YPEL2: variants seen among roughly 807,000 people sequenced by gnomAD.
YPEL2 encodes the protein yippee like 2, also known as protein yippee-like 2.
In YPEL2, 2 loss-of-function variants were observed where a neutral mutation model predicts 19.1. That is an observed-to-expected ratio of 0.10 (90% CI 0.04 to 0.33). The LOEUF is 0.33. Ranked by LOEUF, YPEL2 falls within the 10% of genes least tolerant of loss-of-function variation. The pLI is 1.00. For missense variants in YPEL2, 66 were observed against 140.7 expected, an observed-to-expected ratio of 0.47 and a Z score of 2.68; for synonymous variants, 52 against 50.0, an observed-to-expected ratio of 1.04 and a Z score of -0.17.
intron 2 of YPEL2, among the ~76,000 whole-genome samples, chr17:59,358,011 T>C (rs16943463): frequency 0.079 from 12,003 of 152,182 alleles, 577 homozygotes; most frequent in South Asian, 0.14. Context: ...ATAGGTCAGA[T>C]TATCTTCTGG....
intron 2 of YPEL2, among the ~76,000 whole-genome samples, chr17:59,364,170 T>C (rs182847731): frequency 2.6e-5 from 4 of 152,324 alleles, no homozygotes; most frequent in African/African-American, 9.6e-5. Flanking sequence ...CTCAGAACTT[T>C]GTGGCTGGAG....
At chr17:59,362,043 A>T (rs1774657635) in intron 2 of YPEL2, among the ~76,000 whole-genome samples, 1 of 152,196 alleles carries the variant, frequency 6.6e-6, no homozygotes, top group Admixed American at 6.5e-5. Flanking sequence ...ATGTTGTCCC[A>T]TTGACAGTTG....
intron 1 of YPEL2, among the ~76,000 whole-genome samples, chr17:59,335,198 T>TGATA: frequency 6.6e-6 from 1 of 152,340 alleles, no homozygotes; most frequent in Middle Eastern, 3.4e-3. Flanking sequence ...TAACAAAAGG[T>TGATA]GATACACTTG....
At chr17:59,395,735 A>G (rs951279272) in intron 4 of YPEL2, among the ~76,000 whole-genome samples, 6 of 152,128 alleles carry the variant, frequency 3.9e-5, no homozygotes, top group South Asian at 4.1e-4. Flanking sequence ...GCCTCACGGT[A>G]TTTTGTTCCT....
intron 2 of YPEL2, among the ~76,000 whole-genome samples, chr17:59,386,550 G>A (rs1286181679): frequency 6.6e-6 from 1 of 152,140 alleles, no homozygotes; most frequent in African/African-American, 2.4e-5. Flanking sequence ...CTGTGGTTTG[G>A]CCTGACTGGA....
At chr17:59,395,369 G>C (rs1040255179) in intron 4 of YPEL2, among the ~76,000 whole-genome samples, 1 of 152,180 alleles carries the variant, frequency 6.6e-6, no homozygotes, top group Admixed American at 6.5e-5. Context: ...GCAAGGGTAC[G>C]CCTCAATTCC....
intron 1 of YPEL2, among the ~76,000 whole-genome samples, chr17:59,346,200 T>C (rs1271379069): frequency 6.6e-6 from 1 of 152,218 alleles, no homozygotes; most frequent in Non-Finnish European, 1.5e-5. Flanking sequence ...CACCATTTAG[T>C]GCCTCCAGCC....
In YPEL2 at chr17:59,399,197, C is replaced by T. The variant is rs1161451182; in HGVS notation, c.*2007C>T. 2 of 152,636 alleles carry T rather than the reference C, an allele frequency of 1.3e-5. No homozygotes were observed. The highest frequency in any genetic ancestry group is 2.9e-5 in the Non-Finnish European group (2 of 68,054). 9.5% of individuals were successfully genotyped at this position (152,636 alleles called of 1,614,324 possible). A position where few individuals can be genotyped will look rare whatever the true frequency, so the allele number is the denominator to read the frequency against. On this transcript the variant is annotated 3_prime_UTR_variant, in exon 5 of 5. Transcript: ENST00000312655. Reference sequence around the variant, plus strand: ...AAATCGTTTTTTAACTTTCACATTCCTAAGCTGGCTTCCCGGCACAGAAGC... The same window carrying T: ...AAATCGTTTTTTAACTTTCACATTCTTAAGCTGGCTTCCCGGCACAGAAGC...
intron 1 of YPEL2, among the ~76,000 whole-genome samples, chr17:59,348,781 T>C (rs116365307): frequency 0.035 from 5,280 of 152,234 alleles, 287 homozygotes; most frequent in African/African-American, 0.12. Flanking sequence ...TTATGTTCTA[T>C]GAGTTGGACT....
chr17:59,384,299 TATC>T (rs2047969514), intron 2 of YPEL2, among the ~76,000 whole-genome samples: 1 of 152,260 alleles, frequency 6.6e-6, no homozygotes, highest in Non-Finnish European at 1.5e-5. Flanking sequence ...TGTACAAGCA[TATC>T]ATTTTTTAGC....
chr17:59,397,039 A>C (rs891070032), intron 4 of YPEL2, 62 bp from the exon 5 acceptor site: 8 of 1,422,402 alleles, frequency 5.6e-6, no homozygotes, highest in Admixed American at 2.1e-5. Flanking sequence ...AAAAAAGAAA[A>C]AAAAAATCAT....
chr17:59,383,319 C>A (rs981081325), intron 2 of YPEL2, among the ~76,000 whole-genome samples: 1 of 151,500 alleles, frequency 6.6e-6, no homozygotes, highest in Non-Finnish European at 1.5e-5. Flanking sequence ...ATAGTCTAGG[C>A]CGGGCGTGGT....
Position 59,334,394 on chromosome 17 carries a change from G to GGC in YPEL2, c.-196+2571_-196+2572insCG, listed in dbSNP as rs199578642. Among the ~76,000 whole-genome samples the GGC allele has an allele frequency of 3.7e-3, 546 of 148,364 alleles. 6 individuals are homozygous for GGC. Among genetic ancestry groups the GGC allele is most frequent in the Middle Eastern group, 0.017 (5 of 292 alleles). On this transcript the variant is annotated intron_variant, in intron 1 of 4. Coordinates refer to ENST00000312655, the MANE Select transcript of YPEL2 (RefSeq NM_001005404.4). ...AGGCAGGTGACTCTTTTTATTTGGG[G>GGC]GGGGGTGAGGAGTCAGGAGTTTGTC...
At chr17:59,372,391 CCAAT>C (rs2147948885) in intron 2 of YPEL2, among the ~76,000 whole-genome samples, 1 of 152,208 alleles carries the variant, frequency 6.6e-6, no homozygotes. Context: ...CTCTCTAGGC[CCAAT>C]CAAAGACTCC....
chr17:59,390,301 CAACA>C (rs1033346462), intron 4 of YPEL2, among the ~76,000 whole-genome samples: 1 of 152,108 alleles, frequency 6.6e-6, no homozygotes. Context: ...CATGCCTGGC[CAACA>C]AATTTATTTC....
chr17:59,370,618 T>C (rs1367158111), intron 2 of YPEL2, among the ~76,000 whole-genome samples: 1 of 152,172 alleles, frequency 6.6e-6, no homozygotes, highest in Non-Finnish European at 1.5e-5. Context: ...TCTGCCTCGC[T>C]TTGAAATCTC....
At chr17:59,360,656 T>C (rs1447941370) in intron 2 of YPEL2, among the ~76,000 whole-genome samples, 1 of 152,162 alleles carries the variant, frequency 6.6e-6, no homozygotes, top group Admixed American at 6.5e-5. Context: ...GGCAGGTGAA[T>C]CAAATCTGTA....
chr17:59,390,623 A>G (rs2048003027), intron 4 of YPEL2, among the ~76,000 whole-genome samples: 1 of 152,224 alleles, frequency 6.6e-6, no homozygotes, highest in Non-Finnish European at 1.5e-5. Context: ...TGTTTAACTC[A>G]GCAAAAAATG....
At chr17:59,389,224 G>T in intron 3 of YPEL2, 136 bp from the exon 4 acceptor site, 1 of 683,262 alleles carries the variant, frequency 1.5e-6, no homozygotes, top group African/African-American at 1.8e-5. Context: ...TTTGGGGATT[G>T]GTTTAGATCT....
Sources: gnomAD v4.1 joint callset for allele counts (sites outside exome capture counted in the v4.1 genomes callset) on GRCh38, gnomAD v4.1.1 for gene constraint, MANE v1.5 for transcripts, NCBI Gene and HGNC (gene_info 2026-07-23, HGNC 2026-07-21) for gene names.